TTBK2: variants seen among roughly 807,000 people sequenced by gnomAD.
TTBK2 encodes tau tubulin kinase 2, also known as tau-tubulin kinase 2.
A neutral mutation model predicts 110.8 loss-of-function variants in TTBK2; 28 were observed. That is an observed-to-expected ratio of 0.25 (90% CI 0.19 to 0.35). The LOEUF (loss-of-function observed/expected upper bound fraction) is 0.35, where lower values mean the gene tolerates loss of function less well. Among genes scored for constraint, TTBK2 ranks in the 10% least tolerant of loss-of-function variants. The pLI, the probability that TTBK2 is intolerant of heterozygous loss-of-function variation, is 1.00. For missense variants in TTBK2, 1,369 were observed against 1,500.3 expected, an observed-to-expected ratio of 0.91 and a Z score of 1.45; for synonymous variants, 532 against 527.3, an observed-to-expected ratio of 1.01 and a Z score of -0.12.
intron 9 of TTBK2, among the ~76,000 whole-genome samples, chr15:42,803,583 G>A (rs1052751430): frequency 6.6e-6 from 1 of 152,116 alleles, no homozygotes; most frequent in Non-Finnish European, 1.5e-5. Context: ...TAAACTGCCT[G>A]GAAATATAGT....
At position 42,828,145 on chromosome 15, in the gene TTBK2, T is replaced by C. The variant is rs554211620; in HGVS notation, c.433-113A>G. On this transcript the variant is annotated intron_variant, in intron 5 of 14. Coordinates refer to ENST00000267890, the MANE Select transcript of TTBK2 (RefSeq NM_173500.4). ...TTTAAGCTCTATATAACACACATGT[T>C]CCAAATATACTATTCTAGTAAATGA... The C allele has an allele frequency of 6.1e-4, 480 of 789,982 alleles. 4 individuals carry two copies. The highest frequency in any genetic ancestry group is 4.2e-3 in the South Asian group (252 of 59,942). 48.9% of individuals were successfully genotyped at this position (789,982 alleles called of 1,614,324 possible). A position where few individuals can be genotyped will look rare whatever the true frequency, so the allele number is the denominator to read the frequency against.
At chr15:42,790,867 T>C (rs11854668) in intron 10 of TTBK2, among the ~76,000 whole-genome samples, 1 of 151,662 alleles carries the variant, frequency 6.6e-6, no homozygotes, top group Non-Finnish European at 1.5e-5. Flanking sequence ...GCCCAGCTAA[T>C]TTTTGTGTGT....
In TTBK2 at chr15:42,808,846, G is replaced by A. The variant is rs1166904790; in HGVS notation, c.822+1768C>T. Among the ~76,000 whole-genome samples the A allele has an allele frequency of 5.9e-5, 9 of 152,042 alleles. No individual in the cohort carries two copies. In the East Asian group the frequency reaches 1.2e-3, roughly 19 times the overall value. On this transcript the variant is annotated intron_variant, in intron 9 of 14. Transcript: ENST00000267890. ...AGCCTTGCTGACAGACCGAGACCCC[G>A]TCTCAAAAAATTTTTTTAAATGAAG...
At chr15:42,778,868 T>C (rs7177986) in intron 11 of TTBK2, among the ~76,000 whole-genome samples, 1,527 of 152,226 alleles carry the variant, frequency 0.01, 26 homozygotes, top group African/African-American at 0.035. Flanking sequence ...AGAACATATT[T>C]TTATACAAAA....
At chr15:42,892,731 C>T (rs553147958) in intron 1 of TTBK2, among the ~76,000 whole-genome samples, 5 of 137,270 alleles carry the variant, frequency 3.6e-5, no homozygotes, top group Admixed American at 1.5e-4. Context: ...AAAAAAAAGC[C>T]GGGCACGGTG....
intron 9 of TTBK2, among the ~76,000 whole-genome samples, chr15:42,803,864 T>C (rs1027786195): frequency 2.1e-4 from 32 of 151,394 alleles, no homozygotes; most frequent in Non-Finnish European, 3.4e-4. Context: ...CCATCTCTAC[T>C]AAAAACATAA....
At chr15:42,883,719 G>A (rs1225858350) in intron 1 of TTBK2, among the ~76,000 whole-genome samples, 1 of 151,912 alleles carries the variant, frequency 6.6e-6, no homozygotes, top group Non-Finnish European at 1.5e-5. Flanking sequence ...ATAATAGAAT[G>A]GTTGACCTGA....
In TTBK2 at chr15:42,742,384, G is replaced by T. The variant is rs1397725331; in HGVS notation, c.*3411C>A. 6.6e-6 allele frequency: 1 copy of T among 151,874 alleles called. No homozygotes were observed. The highest frequency in any genetic ancestry group is 1.5e-5 in the Non-Finnish European group (1 of 67,964). 9.4% of individuals were successfully genotyped at this position (151,874 alleles called of 1,614,324 possible). ...GTCTGCCTAGGGCTTAACATTCAAA[G>T]ATATTTATAATCTGTGTTTTAAGGT... On this transcript the variant is annotated 3_prime_UTR_variant, in exon 15 of 15. Coordinates refer to ENST00000267890, the MANE Select transcript of TTBK2 (RefSeq NM_173500.4).
At chr15:42,766,469 CAAGGGTTG>C (rs1889383679) in intron 13 of TTBK2, among the ~76,000 whole-genome samples, 1 of 78,922 alleles carries the variant, frequency 1.3e-5, no homozygotes, top group South Asian at 3.9e-4. Flanking sequence ...AAAAAAAAAG[CAAGGGTTG>C]CAATCCTAGT....
chr15:42,796,573 G>T (rs567402776), intron 9 of TTBK2, among the ~76,000 whole-genome samples: 1 of 152,314 alleles, frequency 6.6e-6, no homozygotes, highest in African/African-American at 2.4e-5. Flanking sequence ...CAGTGAGGCA[G>T]GAAAACCACG....
intron 7 of TTBK2, among the ~76,000 whole-genome samples, chr15:42,812,017 A>G (rs1473855345): frequency 2.0e-5 from 3 of 152,228 alleles, no homozygotes; most frequent in Admixed American, 2.0e-4. Context: ...CAAAACATAG[A>G]AATGGTGGAA....
chr15:42,893,492 T>C (rs1436539333), intron 1 of TTBK2, among the ~76,000 whole-genome samples: 2 of 151,674 alleles, frequency 1.3e-5, no homozygotes, highest in Non-Finnish European at 2.9e-5. Flanking sequence ...ATGCTGTCTC[T>C]TAAAATATAT....
chr15:42,880,735 T>A (rs2141137664), intron 1 of TTBK2, among the ~76,000 whole-genome samples: 1 of 152,244 alleles, frequency 6.6e-6, no homozygotes, highest in Middle Eastern at 3.4e-3. Flanking sequence ...CCTACAATTA[T>A]GGCTCTCCCT....
chr15:42,897,804 G>A (rs1052842597), intron 1 of TTBK2, among the ~76,000 whole-genome samples: 1 of 147,288 alleles, frequency 6.8e-6, no homozygotes, highest in Non-Finnish European at 1.5e-5. Context: ...TGAGAAAACT[G>A]AACTTATACC....
chr15:42,745,357 C>A lies in TTBK2; in HGVS notation c.*438G>T, dbSNP rs1440519639. 1 of 224,452 alleles carries A rather than the reference C, an allele frequency of 4.5e-6. No individual in the cohort carries two copies. The allele number at this position is 224,452 out of a possible 1,614,324, so 13.9% of individuals were successfully genotyped here. A position where few individuals can be genotyped will look rare whatever the true frequency, so the allele number is the denominator to read the frequency against. Reference sequence around the variant, plus strand: ...ACAGACTTCTTATATAATCTAATATCTGATCAATGACTCTTCAGGGTGGGA... The same window carrying A: ...ACAGACTTCTTATATAATCTAATATATGATCAATGACTCTTCAGGGTGGGA... On this transcript the variant is annotated 3_prime_UTR_variant, in exon 15 of 15. Transcript: ENST00000267890.
At chr15:42,773,406 C>T (rs1432710215) in intron 13 of TTBK2, among the ~76,000 whole-genome samples, 1 of 151,102 alleles carries the variant, frequency 6.6e-6, no homozygotes, top group Non-Finnish European at 1.5e-5. Context: ...CACTGCACTC[C>T]AACCTGGGCA....
chr15:42,819,109 A>G (rs1299981577), intron 6 of TTBK2, among the ~76,000 whole-genome samples: 1 of 150,768 alleles, frequency 6.6e-6, no homozygotes, highest in Admixed American at 6.6e-5. Context: ...TTTTTTCTTA[A>G]GTAACCTCAA....
At chr15:42,906,699 A>G (rs1183243534) in intron 1 of TTBK2, among the ~76,000 whole-genome samples, 8 of 152,218 alleles carry the variant, frequency 5.3e-5, no homozygotes, top group African/African-American at 1.9e-4. Flanking sequence ...CGAACTAAAA[A>G]GCTTCCGCAC....
intron 10 of TTBK2, among the ~76,000 whole-genome samples, chr15:42,787,204 A>G (rs1312241394): frequency 1.3e-5 from 2 of 152,170 alleles, no homozygotes; most frequent in Non-Finnish European, 2.9e-5. Context: ...CTTTTGCACT[A>G]TAACAGCAAT....
Sources: allele counts gnomAD v4.1 joint callset (sites outside exome capture counted in the v4.1 genomes callset), GRCh38; gene constraint gnomAD v4.1.1; transcripts MANE v1.5; gene names NCBI Gene and HGNC (gene_info 2026-07-23, HGNC 2026-07-21).